Variants in NOL4L observed in about 807,000 individuals in gnomAD.
The protein encoded by NOL4L is nucleolar protein 4 like, also known as nucleolar protein 4-like.
NOL4L carries 7 observed loss-of-function variants against 64.5 expected under a neutral mutation model. The ratio of observed to expected loss-of-function variants is 0.11; its 90% CI spans 0.06 to 0.20. The LOEUF is 0.20. NOL4L is among the 10% of genes least tolerant of loss of function. The pLI, the probability that NOL4L is intolerant of heterozygous loss-of-function variation, is 1.00. For synonymous variants in NOL4L, 413 were observed against 401.0 expected (o/e 1.03, Z -0.36); for missense variants, 680 against 967.1 (o/e 0.70, Z 3.94).
At chr20:32,494,283 C>CAAAA (rs771327184) in intron 4 of NOL4L, among the ~76,000 whole-genome samples, 2 of 67,160 alleles carry the variant, frequency 3.0e-5, no homozygotes, top group African/African-American at 1.4e-4. Context: ...AAAAAAAAAA[C>CAAAA]ACACAACACA....
In NOL4L at chr20:32,447,358, G is replaced by A. The variant is rs573906564; in HGVS notation, c.*238C>T. ...CCCCCAACCCTTCCAGAGCTGCCCC[G>A]TTGGCCTCTTCCAAGCAGGTCAGAG... On this transcript the variant is annotated 3_prime_UTR_variant, in exon 11 of 11. Coordinates refer to ENST00000621426, the MANE Select transcript of NOL4L (RefSeq NM_001256798.2). 7.1e-5 allele frequency: 42 copies of A among 594,298 alleles called. No individual in the cohort carries two copies. In the African/African-American group the frequency reaches 7.3e-4, roughly 10 times the overall value. The allele number at this position is 594,298 out of a possible 1,614,324, so 36.8% of individuals were successfully genotyped here.
chr20:32,512,336 A>G (rs1035818420), intron 3 of NOL4L, among the ~76,000 whole-genome samples: 1 of 151,996 alleles, frequency 6.6e-6, no homozygotes, highest in Non-Finnish European at 1.5e-5. Flanking sequence ...AACACATGCC[A>G]CTCTCACCTC....
chr20:32,480,870 A>AGC lies in NOL4L; in HGVS notation c.700-6130_700-6129dup, dbSNP rs1181434062. Among the ~76,000 whole-genome samples, 3 of 152,154 alleles carry AGC rather than the reference A, an allele frequency of 2.0e-5. No homozygotes were observed. In the East Asian group the frequency reaches 5.8e-4, roughly 29 times the overall value. On this transcript the variant is annotated intron_variant, in intron 4 of 10. Transcript: ENST00000621426. ...GCTGTTGCTTCATGGCTACACCCCA[A>AGC]GCCCACCTAGCCACCAGGGAAGGAG...
chr20:32,585,173 T>A lies in NOL4L; in HGVS notation c.-283A>T, dbSNP rs1471833701. The A allele has an allele frequency of 6.9e-6, 1 of 145,600 alleles. No homozygotes were observed. Among genetic ancestry groups the A allele is most frequent in the Non-Finnish European group, 1.5e-5 (1 of 65,636 alleles). 9.0% of individuals were successfully genotyped at this position (145,600 alleles called of 1,614,324 possible). Reference sequence around the variant, plus strand: ...CCCCCCGGCCGGGATGCAGGAGCGATGGAGGCAGCTCCGGGCCCGGAGGTG... The same window carrying A: ...CCCCCCGGCCGGGATGCAGGAGCGAAGGAGGCAGCTCCGGGCCCGGAGGTG... On this transcript the variant is annotated 5_prime_UTR_variant, in exon 1 of 11. Coordinates refer to ENST00000621426, the MANE Select transcript of NOL4L (RefSeq NM_001256798.2).
chr20:32,461,988 G>A (rs1463104548), intron 5 of NOL4L, among the ~76,000 whole-genome samples: 2 of 151,978 alleles, frequency 1.3e-5, no homozygotes, highest in Non-Finnish European at 2.9e-5. Flanking sequence ...GCCGGGGTGA[G>A]TGCATGCCCC....
chr20:32,453,713 T>C lies in NOL4L; in HGVS notation c.1168A>G (p.Ser390Gly), dbSNP rs751566818. Residue 390 changes from serine to glycine, a missense_variant, in exon 7 of 11, where the codon AGC becomes GGC. By Grantham distance (56) the Ser-to-Gly change is moderately conservative. Around this residue, in one of 4 missense-constraint regions of NOL4L, gnomAD observed 254 missense variants for 238.7 expected, o/e 1.06. Transcript: ENST00000621426. The surrounding 1 kb of genome is among the most constrained non-coding windows in gnomAD (Gnocchi z 5.6). The part of the protein sequence containing the change: ...GSYDSIKTEV[S>G]GCPEDLTVGR... ...ACTGTCAGGTCCTCAGGGCAGCCGC[T>C]GACCTCGGTCTTGATGGAATCGTAG... 6.4e-7 allele frequency: 1 copy of C among 1,558,558 alleles called. No homozygotes were observed. The highest frequency in any genetic ancestry group is 1.2e-5 in the South Asian group (1 of 84,898).
chr20:32,558,667 G>A (rs1978811942), intron 1 of NOL4L, among the ~76,000 whole-genome samples: 2 of 152,342 alleles, frequency 1.3e-5, no homozygotes, highest in South Asian at 4.1e-4. Flanking sequence ...GATCTGGCCT[G>A]GCTGTGGCCC....
chr20:32,573,056 A>G (rs1311273096), intron 1 of NOL4L, among the ~76,000 whole-genome samples: 1 of 136,002 alleles, frequency 7.4e-6, no homozygotes, highest in African/African-American at 2.9e-5. Context: ...TTTTTTTTTT[A>G]GACAGGGTCT....
intron 5 of NOL4L, among the ~76,000 whole-genome samples, chr20:32,472,282 C>G (rs969908584): frequency 6.6e-6 from 1 of 152,234 alleles, no homozygotes; most frequent in African/African-American, 2.4e-5. Context: ...GTCCCAGGGG[C>G]AGGGCAGAGA....
chr20:32,504,743 A>G (rs940399980), intron 4 of NOL4L, among the ~76,000 whole-genome samples: 18 of 151,810 alleles, frequency 1.2e-4, no homozygotes, highest in African/African-American at 4.4e-4. Flanking sequence ...AGCTGGGACT[A>G]CAAGCACGTG....
In NOL4L at chr20:32,452,960, A is replaced by G; in HGVS notation, c.1544T>C (p.Ile515Thr). ...PHLTSAMAEN[I>T]LAAACESETR... ...CTCGCTCTCACAGGCAGCTGCCAGGATGTTTTCTGCCATGGCCGAGGTCAG... is the reference window on the plus strand; with the variant it reads ...CTCGCTCTCACAGGCAGCTGCCAGGGTGTTTTCTGCCATGGCCGAGGTCAG... Residue 515 changes from isoleucine (I) to threonine (T), a missense_variant, in exon 9 of 11, where the codon ATC becomes ACC. Coordinates refer to ENST00000621426, the MANE Select transcript of NOL4L (RefSeq NM_001256798.2). The G allele has an allele frequency of 6.2e-7, 1 of 1,613,934 alleles. No homozygotes were observed. The highest frequency in any genetic ancestry group is 8.5e-7 in the Non-Finnish European group (1 of 1,180,014).
intron 4 of NOL4L, among the ~76,000 whole-genome samples, chr20:32,497,216 G>C (rs913348743): frequency 2.0e-5 from 3 of 151,944 alleles, no homozygotes; most frequent in Non-Finnish European, 2.9e-5. Context: ...CACCCTCCAG[G>C]TCTGGTTACA....
chr20:32,451,216 C>G (rs2012869497), intron 10 of NOL4L, among the ~76,000 whole-genome samples: 1 of 152,220 alleles, frequency 6.6e-6, no homozygotes, highest in South Asian at 2.1e-4. Context: ...CCTTCATTCC[C>G]TGGCTTCTGA....
In NOL4L at chr20:32,495,112, A is replaced by G. The variant is rs76356609; in HGVS notation, c.699+16235T>C. Among the ~76,000 whole-genome samples, 660 of 152,322 alleles carry G rather than the reference A, an allele frequency of 4.3e-3. 2 individuals carry two copies. The highest frequency in any genetic ancestry group is 0.015 in the African/African-American group (609 of 41,578). On this transcript the variant is annotated intron_variant, in intron 4 of 10. Coordinates refer to ENST00000621426, the MANE Select transcript of NOL4L (RefSeq NM_001256798.2). ...TACTGTGGTGCCTGGGGAGCAGACA[A>G]GCATTTAGTTCCCTCACTTGTGGAC...
chr20:32,569,278 C>A (rs1350721475), intron 1 of NOL4L, among the ~76,000 whole-genome samples: 1 of 152,096 alleles, frequency 6.6e-6, no homozygotes, highest in Non-Finnish European at 1.5e-5. Context: ...GAGCAGGGGC[C>A]AAGGAACTGG....
intron 1 of NOL4L, among the ~76,000 whole-genome samples, 179 bp from the exon 2 acceptor site, chr20:32,528,092 C>T (rs1043769742): frequency 2.0e-5 from 3 of 152,178 alleles, no homozygotes; most frequent in Admixed American, 1.3e-4. Flanking sequence ...GTCAGGGTGG[C>T]TGCAGCTATG....
chr20:32,554,047 G>A (rs1035399142), intron 1 of NOL4L, among the ~76,000 whole-genome samples: 9 of 152,108 alleles, frequency 5.9e-5, no homozygotes, highest in East Asian at 1.9e-4. Context: ...GTGGCCAGGC[G>A]CGGTGGCTCA....
chr20:32,459,669 G>A (rs2013871234), intron 5 of NOL4L, among the ~76,000 whole-genome samples: 4 of 152,102 alleles, frequency 2.6e-5, no homozygotes, highest in Admixed American at 2.6e-4. Flanking sequence ...ACAGGCATGG[G>A]CCACCGTGCC....
chr20:32,582,861 G>C (rs1568726300), intron 1 of NOL4L, among the ~76,000 whole-genome samples: 1 of 152,184 alleles, frequency 6.6e-6, no homozygotes, highest in Non-Finnish European at 1.5e-5. Context: ...GACCGACCTG[G>C]CAGGGTGGGG....
Sources: gnomAD v4.1 joint callset for allele counts (sites outside exome capture counted in the v4.1 genomes callset) on GRCh38, gnomAD v4.1.1 for gene constraint, gnomAD v4.1.1 regional missense constraint, Gnocchi (gnomAD v3.1) non-coding constraint, MANE v1.5 for transcripts, NCBI Gene and HGNC (gene_info 2026-07-23, HGNC 2026-07-21) for gene names.